CHMP1A: variants seen among roughly 807,000 people sequenced by gnomAD.
CHMP1A encodes charged multivesicular body protein 1A.
In CHMP1A, 17 loss-of-function variants were observed where a neutral mutation model predicts 27.0. The ratio of observed to expected loss-of-function variants is 0.63; its 90% confidence interval spans 0.43 to 0.95. CHMP1A has a LOEUF of 0.95. CHMP1A is among the 40% of genes least tolerant of loss of function. The pLI, the probability that CHMP1A is intolerant of heterozygous loss-of-function variation, is 0.00. For synonymous variants in CHMP1A, 131 were observed against 107.5 expected, an observed-to-expected ratio of 1.22 and a Z score of -1.35; for missense variants, 275 against 264.0, an observed-to-expected ratio of 1.04 and a Z score of -0.29.
rs1225752848 is a variant in CHMP1A at position 89,655,874 on chromosome 16, C to T, written c.7+1708G>A. ...CTCCTGACCTCAGGTGATCAACCAA[C>T]CTCGGCCTCCCAAAGTGTTGGGGTT... On this transcript the variant is annotated intron_variant, in intron 1 of 6. Transcript: ENST00000397901. 2.6e-5 allele frequency among the ~76,000 whole-genome samples: 4 copies of T among 152,230 alleles called. No homozygotes were observed. The East Asian group carries it at 7.7e-4, about 29-fold the overall frequency.
chr16:89,646,991 A>G, intron 5 of CHMP1A: 1 of 1,474,024 alleles, frequency 6.8e-7, no homozygotes. Context: ...CCCCACAAGG[A>G]GCCAGGTGCC....
At chr16:89,649,300 C>T (rs2059805823) in intron 4 of CHMP1A, 51 bp downstream of exon 4, 13 of 1,594,868 alleles carry the variant, frequency 8.2e-6, no homozygotes. Context: ...GAGCCCATTC[C>T]TGCTTCAGCC....
chr16:89,646,072 C>T lies in CHMP1A; in HGVS notation c.585G>A (p.Arg195=). 1 of 1,550,786 alleles carries T rather than the reference C, an allele frequency of 6.4e-7. No homozygotes were observed. Among genetic ancestry groups the T allele is most frequent in the Non-Finnish European group, 8.7e-7 (1 of 1,149,132 alleles). ...DQLSRRLAAL[R]N is the part of the protein sequence containing the mutation. The stretch of plus-strand genomic sequence containing the variant: ...GCACACCGGCGGGGCACGGCTAGTT[C>T]CTCAAGGCGGCCAACCTGGAAACCA... The change falls in exon 7 of 7, where the codon AGG becomes AGA. Residue 195 remains arginine (R), a synonymous_variant. Transcript: ENST00000397901.
chr16:89,649,133 C>A, intron 4 of CHMP1A: 1 of 346,376 alleles, frequency 2.9e-6, no homozygotes, highest in Non-Finnish European at 4.8e-6. Flanking sequence ...GCCAGCATTT[C>A]CCACCCCACG....
At chr16:89,649,210 T>G in intron 4 of CHMP1A, 141 bp downstream of exon 4, 2 of 513,248 alleles carry the variant, frequency 3.9e-6, no homozygotes, top group Non-Finnish European at 5.4e-6. Flanking sequence ...CACCCCACGC[T>G]GATCCAGCTT....
In CHMP1A at chr16:89,657,693, G is replaced by A. The variant is rs1017659485; in HGVS notation, c.-105C>T. 5 of 1,571,048 alleles carry A rather than the reference G, an allele frequency of 3.2e-6. No homozygotes were observed. The highest frequency in any genetic ancestry group is 4.3e-6 in the Non-Finnish European group (5 of 1,161,244). On this transcript the variant is annotated 5_prime_UTR_variant, in exon 1 of 7. Transcript: ENST00000397901. ...AACCGACCAAGCTGCACCCGGCGGG[G>A]ACTTCCGGGGTCGCCGCCCCACTTC...
chr16:89,657,591 C>A lies in CHMP1A; in HGVS notation c.-3G>T, dbSNP rs972499512. 1 of 1,611,296 alleles carries A rather than the reference C, an allele frequency of 6.2e-7. No homozygotes were observed. Among genetic ancestry groups the A allele is most frequent in the East Asian group, 2.2e-5 (1 of 44,786 alleles). ...GGCCGCGACCTCTTACCGTCCATGG[C>A]CACAATGACAGGAGCAGCACTCGGA... On this transcript the variant is annotated 5_prime_UTR_variant, in exon 1 of 7. Transcript: ENST00000397901.
Position 89,646,557 on chromosome 16 carries a change from A to C in CHMP1A, c.539T>G (p.Val180Gly). Residue 180 changes from valine (V) to glycine (G), a missense_variant, in exon 6 of 7, where the codon GTG (valine) becomes GGG (glycine). Coordinates refer to ENST00000397901, the MANE Select transcript of CHMP1A (RefSeq NM_002768.5). The part of the protein sequence containing the change: ...EGASAVGESS[V>G]RSQEDQLSRR... ...TGACAGCTGGTCCTCCTGGCTGCGC[A>C]CAGAGCTCTCGCCCACGGCAGAGGC... The C allele has an allele frequency of 6.3e-7, 1 of 1,592,298 alleles. No individual in the cohort carries two copies. Among genetic ancestry groups the C allele is most frequent in the Non-Finnish European group, 8.5e-7 (1 of 1,170,798 alleles).
intron 1 of CHMP1A, 64 bp from the exon 2 acceptor site, chr16:89,653,987 C>A: frequency 6.5e-7 from 1 of 1,548,282 alleles, no homozygotes; most frequent in Non-Finnish European, 8.9e-7. Context: ...TTCTGGCAGG[C>A]AGGACTCACT....
At chr16:89,657,015 T>G (rs1025287029) in intron 1 of CHMP1A, among the ~76,000 whole-genome samples, 15 of 138,386 alleles carry the variant, frequency 1.1e-4, no homozygotes, top group African/African-American at 4.2e-4. Context: ...GGGTTGAGAT[T>G]TGGGGATGGA....
intron 2 of CHMP1A, among the ~76,000 whole-genome samples, chr16:89,652,210 A>G (rs535875422): frequency 6.6e-6 from 1 of 151,824 alleles, no homozygotes; most frequent in African/African-American, 2.4e-5. Flanking sequence ...ACAAGGACAC[A>G]GGACCTCTGG....
At chr16:89,651,126 C>T (rs748392141) in intron 3 of CHMP1A, among the ~76,000 whole-genome samples, 4 of 152,096 alleles carry the variant, frequency 2.6e-5, no homozygotes, top group Admixed American at 6.6e-5. Flanking sequence ...GCCTGCAATA[C>T]CAGCACTTTT....
intron 3 of CHMP1A, among the ~76,000 whole-genome samples, chr16:89,651,077 G>C (rs573262144): frequency 1.6e-4 from 25 of 152,090 alleles, no homozygotes; most frequent in Admixed American, 1.6e-3. Context: ...TTGAGGCTCA[G>C]AAATCATAGT....
intron 2 of CHMP1A, among the ~76,000 whole-genome samples, chr16:89,651,945 C>T (rs527699853): frequency 5.9e-4 from 90 of 152,294 alleles, no homozygotes; most frequent in Middle Eastern, 6.8e-3. Context: ...TCCTCCAGAG[C>T]GGAAGGGTCA....
chr16:89,644,753 A>G lies in CHMP1A; in HGVS notation c.*1313T>C, dbSNP rs1213323340. The G allele has an allele frequency of 1.3e-5, 2 of 152,368 alleles. No individual in the cohort carries two copies. Among genetic ancestry groups the G allele is most frequent in the Non-Finnish European group, 2.9e-5 (2 of 68,054 alleles). The allele number at this position is 152,368 out of a possible 1,614,324, so 9.4% of individuals were successfully genotyped here. Reference sequence around the variant, plus strand: ...CAGGGTCTCCACGTTCCTGCACGTAACACCCACGACACCACTGCAGCCTCA... The same window carrying G: ...CAGGGTCTCCACGTTCCTGCACGTAGCACCCACGACACCACTGCAGCCTCA... On this transcript the variant is annotated 3_prime_UTR_variant, in exon 7 of 7. Coordinates refer to ENST00000397901, the MANE Select transcript of CHMP1A (RefSeq NM_002768.5).
At chr16:89,655,873 A>G (rs2059861601) in intron 1 of CHMP1A, among the ~76,000 whole-genome samples, 1 of 152,144 alleles carries the variant, frequency 6.6e-6, no homozygotes, top group Non-Finnish European at 1.5e-5. Context: ...TGATCAACCA[A>G]CCTCGGCCTC....
chr16:89,651,944 G>A (rs1426681616), intron 2 of CHMP1A, among the ~76,000 whole-genome samples: 1 of 152,220 alleles, frequency 6.6e-6, no homozygotes, highest in Non-Finnish European at 1.5e-5. Context: ...CTCCTCCAGA[G>A]CGGAAGGGTC....
rs1568001786 is a variant in CHMP1A at position 89,649,442 on chromosome 16, C to T, written c.161G>A (p.Arg54His). 4 of 1,613,756 alleles carry T rather than the reference C, an allele frequency of 2.5e-6. No individual in the cohort carries two copies. The highest frequency in any genetic ancestry group is 2.2e-5 in the South Asian group (2 of 91,086). Reference protein sequence around the residue: ...CARVYAENAIRKKNEGVNWLR... With the variant: ...CARVYAENAIHKKNEGVNWLR... ...CCAGTTCACACCTTCGTTCTTCTTG[C>T]GGATGGCGTTCTCGGCATACACACG... is the stretch of plus-strand genomic sequence containing the variant. Residue 54 changes from arginine to histidine, a missense_variant, in exon 4 of 7, where the codon CGC (arginine) becomes CAC (histidine). Transcript: ENST00000397901.
rs1189690482 is a variant in CHMP1A at position 89,644,739 on chromosome 16, C to T, written c.*1327G>A. Reference sequence around the variant, plus strand: ...CAGTGAGCCCACGTCAGGGTCTCCACGTTCCTGCACGTAACACCCACGACA... The same window carrying T: ...CAGTGAGCCCACGTCAGGGTCTCCATGTTCCTGCACGTAACACCCACGACA... On this transcript the variant is annotated 3_prime_UTR_variant, in exon 7 of 7. Coordinates refer to ENST00000397901, the MANE Select transcript of CHMP1A (RefSeq NM_002768.5). 3 of 152,392 alleles carry T rather than the reference C, an allele frequency of 2.0e-5. No homozygotes were observed. The highest frequency in any genetic ancestry group is 7.2e-5 in the African/African-American group (3 of 41,456). The allele number at this position is 152,392 out of a possible 1,614,324, so 9.4% of individuals were successfully genotyped here.
Sources: allele counts gnomAD v4.1 joint callset (sites outside exome capture counted in the v4.1 genomes callset), GRCh38; gene constraint gnomAD v4.1.1; transcripts MANE v1.5; gene names NCBI Gene and HGNC (gene_info 2026-07-23, HGNC 2026-07-21).